KCMF1: variants seen among roughly 807,000 people sequenced by gnomAD.
The protein encoded by KCMF1 is E3 ubiquitin-protein ligase KCMF1.
Under a neutral mutation model 41.1 loss-of-function variants are expected in KCMF1, and 3 were observed. That is an observed-to-expected ratio of 0.07 (90% CI 0.03 to 0.19). The LOEUF (loss-of-function observed/expected upper bound fraction) is 0.19, where lower values mean the gene tolerates loss of function less well. Ranked by LOEUF, KCMF1 falls within the 10% of genes least tolerant of loss-of-function variation. The probability of loss-of-function intolerance (pLI) is 1.00; values close to 1 mark genes in which losing one functional copy is unlikely to be tolerated. For missense variants in KCMF1, 286 were observed against 488.9 expected (o/e 0.58, Z 3.91); for synonymous variants, 142 against 164.5 (o/e 0.86, Z 1.04).
At chr2:85,050,330 A>T (rs1675777927) in intron 6 of KCMF1, among the ~76,000 whole-genome samples, 1 of 152,212 alleles carries the variant, frequency 6.6e-6, no homozygotes, top group Non-Finnish European at 1.5e-5. Context: ...GAAATATTAA[A>T]AGTATAAGAA....
At chr2:84,971,758 C>T (rs1022977058) in intron 1 of KCMF1, among the ~76,000 whole-genome samples, 35 of 150,746 alleles carry the variant, frequency 2.3e-4, no homozygotes, top group African/African-American at 6.3e-4. Context: ...GGCCCGTTAC[C>T]GGCGGGAGCT....
At chr2:85,023,195 A>G (rs1674992077) in intron 1 of KCMF1, among the ~76,000 whole-genome samples, 3 of 148,720 alleles carry the variant, frequency 2.0e-5, no homozygotes, top group African/African-American at 7.4e-5. Context: ...CCAATACTGT[A>G]TGTATTCTTT....
At chr2:85,016,917 T>G (rs925126433) in intron 1 of KCMF1, among the ~76,000 whole-genome samples, 1 of 152,026 alleles carries the variant, frequency 6.6e-6, no homozygotes, top group Non-Finnish European at 1.5e-5. Flanking sequence ...CTCGAACCCC[T>G]GACCTTAGGT....
intron 1 of KCMF1, among the ~76,000 whole-genome samples, chr2:84,986,109 C>G (rs1182347054): frequency 1.3e-5 from 2 of 152,162 alleles, no homozygotes; most frequent in Non-Finnish European, 2.9e-5. Context: ...TTGAAAAACA[C>G]TGGCCTTGGA....
rs559819597 is a variant in KCMF1 at position 85,031,408 on chromosome 2, T to C, written c.184+3352T>C. On this transcript the variant is annotated intron_variant, in intron 2 of 6. Coordinates refer to ENST00000409785, the MANE Select transcript of KCMF1 (RefSeq NM_020122.5). ...CAGTTTATGATGGTTCAGCTTATGC[T>C]TTTTTTATCTTATAGTGGTACAAAA... Among the ~76,000 whole-genome samples, 3 of 152,320 alleles carry C rather than the reference T, an allele frequency of 2.0e-5. No homozygotes were observed. The South Asian group carries it at 6.2e-4, about 32-fold the overall frequency.
intron 1 of KCMF1, among the ~76,000 whole-genome samples, chr2:84,999,052 A>T (rs1313414043): frequency 9.7e-6 from 1 of 102,654 alleles, no homozygotes; most frequent in Non-Finnish European, 1.9e-5. Context: ...CCATCCATCC[A>T]TCCATCCATC....
At chr2:84,996,218 G>A (rs572480055) in intron 1 of KCMF1, among the ~76,000 whole-genome samples, 9 of 152,096 alleles carry the variant, frequency 5.9e-5, no homozygotes, top group Non-Finnish European at 7.4e-5. Context: ...GTGAGTCTTC[G>A]TTGTGTAGTA....
At chr2:85,034,076 G>T (rs1247740554) in intron 2 of KCMF1, among the ~76,000 whole-genome samples, 2 of 151,720 alleles carry the variant, frequency 1.3e-5, no homozygotes, top group Non-Finnish European at 2.9e-5. Context: ...CACACCTGTA[G>T]TTCAGTTATG....
intron 1 of KCMF1, among the ~76,000 whole-genome samples, chr2:85,008,597 A>T: frequency 6.6e-6 from 1 of 151,200 alleles, no homozygotes; most frequent in East Asian, 1.9e-4. Context: ...GACCATGAAA[A>T]CGACACTTGT....
chr2:85,027,366 C>CTTTTT lies in KCMF1; in HGVS notation c.17-499_17-495dup, dbSNP rs934531367. ...TTACCTTCTTGCTGGCTTATCAAGG[C>CTTTTT]TTTTTTTTTTTTTTTTTTTTTTTTT... On this transcript the variant is annotated intron_variant, in intron 1 of 6. Coordinates refer to ENST00000409785, the MANE Select transcript of KCMF1 (RefSeq NM_020122.5). Among the ~76,000 whole-genome samples, 14 of 65,738 alleles carry CTTTTT rather than the reference C, an allele frequency of 2.1e-4. 1 individual carries two copies. The highest frequency in any genetic ancestry group is 1.1e-3 in the South Asian group (2 of 1,904). 43.1% of individuals were successfully genotyped at this position (65,738 alleles called of 152,430 possible). A position where few individuals can be genotyped will look rare whatever the true frequency, so the allele number is the denominator to read the frequency against.
At chr2:85,050,629 A>G (rs890330873) in intron 6 of KCMF1, among the ~76,000 whole-genome samples, 2 of 152,252 alleles carry the variant, frequency 1.3e-5, no homozygotes, top group African/African-American at 4.8e-5. Context: ...GCCTCAACAG[A>G]TAATGAACCT....
At chr2:84,974,632 A>G (rs1418648926) in intron 1 of KCMF1, among the ~76,000 whole-genome samples, 1 of 102,822 alleles carries the variant, frequency 9.7e-6, no homozygotes, top group Non-Finnish European at 1.9e-5. Flanking sequence ...TTAAAACTTT[A>G]TTTGTGGACA....
chr2:85,005,567 G>A (rs1047901873), intron 1 of KCMF1, among the ~76,000 whole-genome samples: 13 of 152,168 alleles, frequency 8.5e-5, no homozygotes, highest in African/African-American at 2.9e-4. Flanking sequence ...TGGGATTACA[G>A]GCATGAGCCA....
At chr2:85,021,151 G>A (rs1053628028) in intron 1 of KCMF1, among the ~76,000 whole-genome samples, 6 of 152,186 alleles carry the variant, frequency 3.9e-5, no homozygotes, top group Admixed American at 6.5e-5. Flanking sequence ...TTAGATAATC[G>A]ATATTTGTTG....
At chr2:84,999,578 C>G (rs1026108854) in intron 1 of KCMF1, among the ~76,000 whole-genome samples, 11 of 152,108 alleles carry the variant, frequency 7.2e-5, no homozygotes, top group African/African-American at 2.7e-4. Context: ...TACCTACTTA[C>G]AATAAATAAG....
intron 1 of KCMF1, among the ~76,000 whole-genome samples, chr2:84,977,652 G>A (rs996680294): frequency 1.3e-5 from 2 of 151,640 alleles, no homozygotes; most frequent in Non-Finnish European, 2.9e-5. Context: ...CAAACTCCTG[G>A]GCTCAAGTGA....
At chr2:85,007,869 C>G (rs1278396100) in intron 1 of KCMF1, among the ~76,000 whole-genome samples, 2 of 152,170 alleles carry the variant, frequency 1.3e-5, no homozygotes, top group Non-Finnish European at 2.9e-5. Context: ...TCAAGTGATT[C>G]TCCTGCCTCA....
intron 1 of KCMF1, among the ~76,000 whole-genome samples, chr2:84,988,642 G>A (rs1245056161): frequency 6.6e-6 from 1 of 152,178 alleles, no homozygotes; most frequent in Non-Finnish European, 1.5e-5. Flanking sequence ...CAAGGCATAT[G>A]TTATTCCCTT....
rs1433404557 is a variant in KCMF1 at position 85,057,507 on chromosome 2, A to C, written c.*4098A>C. The C allele has an allele frequency of 1.3e-5, 2 of 152,204 alleles. No homozygotes were observed. Among genetic ancestry groups the C allele is most frequent in the Non-Finnish European group, 2.9e-5 (2 of 68,064 alleles). The allele number at this position is 152,204 out of a possible 1,614,324, so 9.4% of individuals were successfully genotyped here. On this transcript the variant is annotated 3_prime_UTR_variant, in exon 7 of 7. Transcript: ENST00000409785. The stretch of plus-strand genomic sequence containing the variant: ...CTTTCAGGTTGTGACGATGTCATGA[A>C]ATTCTGTGCTATTAAACATGGCTAT...
Sources: gnomAD v4.1 joint callset for allele counts (sites outside exome capture counted in the v4.1 genomes callset) on GRCh38, gnomAD v4.1.1 for gene constraint, MANE v1.5 for transcripts, NCBI Gene and HGNC (gene_info 2026-07-23, HGNC 2026-07-21) for gene names.